The following LRP6 variants were observed in gnomAD, a reference collection of about 807,000 sequenced individuals.
LRP6 encodes the protein low-density lipoprotein receptor-related protein 6.
Under a neutral mutation model 184.1 loss-of-function variants are expected in LRP6, and 43 were observed. The observed-to-expected ratio is 0.23, with a 90% CI of 0.18 to 0.30. The LOEUF (loss-of-function observed/expected upper bound fraction) is 0.30. LRP6 is among the 10% of genes least tolerant of loss of function. The probability of loss-of-function intolerance (pLI) is 1.00; values close to 1 mark genes in which losing one functional copy is unlikely to be tolerated. For synonymous variants in LRP6, 719 were observed against 684.9 expected (o/e 1.05, Z -0.78); for missense variants, 1,571 against 2,005.3 (o/e 0.78, Z 4.14).
intron 12 of LRP6, chr12:12,155,546 G>C: frequency 2.7e-6 from 2 of 746,804 alleles, no homozygotes; most frequent in African/African-American, 1.7e-5. Flanking sequence ...TATTCAGCAC[G>C]TTAAGCACGC....
At chr12:12,263,993 A>T (rs1865694880) in intron 1 of LRP6, among the ~76,000 whole-genome samples, 2 of 151,224 alleles carry the variant, frequency 1.3e-5, no homozygotes, top group South Asian at 4.2e-4. Flanking sequence ...ATCTACAAAA[A>T]ATTGGGGGCA....
At chr12:12,185,412 T>A (rs556495146) in intron 4 of LRP6, among the ~76,000 whole-genome samples, 1 of 152,236 alleles carries the variant, frequency 6.6e-6, no homozygotes, top group South Asian at 2.1e-4. Context: ...AACATTTTTA[T>A]GGGCTCATGA....
intron 22 of LRP6, among the ~76,000 whole-genome samples, chr12:12,123,883 A>G (rs1949636645): frequency 1.3e-5 from 2 of 152,218 alleles, no homozygotes. Context: ...CTTTTCTAAA[A>G]TTCTGTGCTC....
chr12:12,141,783 GAA>G (rs1286978439), intron 15 of LRP6, among the ~76,000 whole-genome samples: 1 of 152,220 alleles, frequency 6.6e-6, no homozygotes, highest in South Asian at 2.1e-4. Flanking sequence ...CTGCAGGGAG[GAA>G]AAAAGTTTTA....
intron 19 of LRP6, among the ~76,000 whole-genome samples, chr12:12,130,103 A>G (rs1949726841): frequency 6.6e-6 from 1 of 152,180 alleles, no homozygotes; most frequent in African/African-American, 2.4e-5. Context: ...TTTGAAGATG[A>G]AGACCTGTAA....
intron 1 of LRP6, among the ~76,000 whole-genome samples, chr12:12,260,304 G>A (rs1419945978): frequency 6.6e-6 from 1 of 151,900 alleles, no homozygotes; most frequent in Non-Finnish European, 1.5e-5. Context: ...CGTGAACCCG[G>A]GGGGCGGAGC....
chr12:12,245,466 G>C (rs989602193), intron 1 of LRP6, among the ~76,000 whole-genome samples: 5 of 152,114 alleles, frequency 3.3e-5, no homozygotes, highest in Non-Finnish European at 7.4e-5. Context: ...AAATGGGCAT[G>C]AGCAAACTTT....
chr12:12,180,966 T>C, intron 6 of LRP6, 77 bp downstream of exon 6: 1 of 1,494,196 alleles, frequency 6.7e-7, no homozygotes, highest in Non-Finnish European at 9.3e-7. Flanking sequence ...TATGTCATGT[T>C]ATCTTAGTCA....
chr12:12,244,862 A>C (rs1004675885), intron 1 of LRP6, among the ~76,000 whole-genome samples: 5 of 152,208 alleles, frequency 3.3e-5, no homozygotes, highest in Non-Finnish European at 5.9e-5. Flanking sequence ...GGGGGGAACT[A>C]TTTCCACCAC....
intron 12 of LRP6, among the ~76,000 whole-genome samples, chr12:12,154,983 G>A (rs374310635): frequency 6.6e-6 from 1 of 152,228 alleles, no homozygotes; most frequent in East Asian, 1.9e-4. Context: ...ATCACCTGAG[G>A]TCAGGAGTTC....
chr12:12,194,265 A>T (rs932935490), intron 3 of LRP6, among the ~76,000 whole-genome samples: 20 of 152,068 alleles, frequency 1.3e-4, no homozygotes, highest in Non-Finnish European at 1.5e-5. Flanking sequence ...AATCTTTTTT[A>T]AAAAATAAAG....
chr12:12,156,280 C>T (rs1950152027), intron 12 of LRP6, among the ~76,000 whole-genome samples: 1 of 152,174 alleles, frequency 6.6e-6, no homozygotes, highest in Non-Finnish European at 1.5e-5. Flanking sequence ...TATGCAATAA[C>T]ACTCCAAGCA....
At chr12:12,222,695 A>G (rs1864523803) in intron 2 of LRP6, among the ~76,000 whole-genome samples, 1 of 152,140 alleles carries the variant, frequency 6.6e-6, no homozygotes, top group Admixed American at 6.6e-5. Flanking sequence ...TTTCCTATAT[A>G]TACATACTTA....
At chr12:12,233,320 T>C (rs1312506318) in intron 2 of LRP6, among the ~76,000 whole-genome samples, 1 of 151,896 alleles carries the variant, frequency 6.6e-6, no homozygotes, top group Admixed American at 6.6e-5. Flanking sequence ...ACAAAAAAAT[T>C]AGCCGGGCAT....
At chr12:12,251,152 T>TA (rs974467804) in intron 1 of LRP6, among the ~76,000 whole-genome samples, 1 of 152,014 alleles carries the variant, frequency 6.6e-6, no homozygotes, top group African/African-American at 2.4e-5. Flanking sequence ...AGGCTGGTCT[T>TA]AAACTGCTGA....
intron 12 of LRP6, among the ~76,000 whole-genome samples, chr12:12,157,374 CTGG>C (rs1039424503): frequency 6.6e-6 from 1 of 152,084 alleles, no homozygotes; most frequent in African/African-American, 2.4e-5. Context: ...CATTACCACA[CTGG>C]TCTAACTGAC....
At chr12:12,202,874 C>T (rs1047310776) in intron 3 of LRP6, among the ~76,000 whole-genome samples, 1 of 152,162 alleles carries the variant, frequency 6.6e-6, no homozygotes, top group East Asian at 1.9e-4. Flanking sequence ...ACTAGTAGCA[C>T]TCCCAGTCCT....
At chr12:12,159,270 T>C in intron 11 of LRP6, 115 bp from the exon 12 acceptor site, 2 of 748,630 alleles carry the variant, frequency 2.7e-6, no homozygotes, top group South Asian at 1.6e-5. Context: ...AACATTACAT[T>C]GTAAGCAATT....
rs1027873952 is a variant in LRP6 at position 12,234,229 on chromosome 12, G to A, written c.449+10033C>T. Reference sequence around the variant, plus strand: ...TTTAACCCAGGAGGCGGAGGTTGCCGTGAGCCAAGATCGCACCATTACACT... The same window carrying A: ...TTTAACCCAGGAGGCGGAGGTTGCCATGAGCCAAGATCGCACCATTACACT... On this transcript the variant is annotated intron_variant, in intron 2 of 22. Transcript: ENST00000261349. 5.9e-5 allele frequency among the ~76,000 whole-genome samples: 9 copies of A among 151,944 alleles called. No homozygotes were observed. In the South Asian group the frequency reaches 6.2e-4, roughly 11 times the overall value.
Sources: gnomAD v4.1 joint callset for allele counts (sites outside exome capture counted in the v4.1 genomes callset) on GRCh38, gnomAD v4.1.1 for gene constraint, MANE v1.5 for transcripts, NCBI Gene and HGNC (gene_info 2026-07-23, HGNC 2026-07-21) for gene names.